The following ALPK2 variants were observed in gnomAD, a reference collection of about 807,000 sequenced individuals.
The protein encoded by ALPK2 is alpha-protein kinase 2.
Under a neutral mutation model 163.1 loss-of-function variants are expected in ALPK2, and 127 were observed. The ratio of observed to expected loss-of-function variants is 0.78; its 90% CI spans 0.67 to 0.90. ALPK2 has a LOEUF of 0.90. Ranked by LOEUF, ALPK2 falls within the 40% of genes least tolerant of loss-of-function variation. The pLI is 0.00. For missense variants in ALPK2, 2,360 were observed against 2,589.6 expected, an observed-to-expected ratio of 0.91 and a Z score of 1.92; for synonymous variants, 953 against 959.1, an observed-to-expected ratio of 0.99 and a Z score of 0.12.
chr18:58,580,332 C>T lies in ALPK2; in HGVS notation c.444G>A (p.Lys148=), dbSNP rs202083409. Residue 148 remains lysine (K), a synonymous_variant, in exon 4 of 13, where the codon AAG becomes AAA. Transcript: ENST00000361673. Reference sequence around the variant, plus strand: ...TGCCCGGGGAGATGCTTTCTTCTTCCTTATAAGGATGTTCCTTCTCATCAA... The same window carrying T: ...TGCCCGGGGAGATGCTTTCTTCTTCTTTATAAGGATGTTCCTTCTCATCAA... ...NQIDEKEHPY[K]EEESISPGTP... is the part of the protein sequence containing the mutation. 1.2e-5 allele frequency: 20 copies of T among 1,613,984 alleles called. No individual in the cohort carries two copies. Among genetic ancestry groups the T allele is most frequent in the Non-Finnish European group, 1.7e-5 (20 of 1,180,030 alleles).
At chr18:58,506,327 G>C (rs889382247) in intron 10 of ALPK2, among the ~76,000 whole-genome samples, 29 of 150,084 alleles carry the variant, frequency 1.9e-4, no homozygotes, top group African/African-American at 6.9e-4. Context: ...ACACAATACA[G>C]CCACGTAACA....
intron 1 of ALPK2, among the ~76,000 whole-genome samples, chr18:58,627,330 G>C (rs1229247303): frequency 6.6e-6 from 1 of 152,160 alleles, no homozygotes; most frequent in Non-Finnish European, 1.5e-5. Context: ...ACATCAAAAA[G>C]ACAATGTAGG....
chr18:58,536,284 C>T lies in ALPK2; in HGVS notation c.3903G>A (p.Glu1301=), dbSNP rs149388507. ...SEIAALAHSP[E]DAESALADSR... ...TATCAGCAAGGGCTGACTCAGCATC[C>T]TCTGGACTGTGAGCCAATGCTGCTA... Residue 1301 remains glutamate, a synonymous_variant, in exon 5 of 13, where the codon GAG becomes GAA. Coordinates refer to ENST00000361673, the MANE Select transcript of ALPK2 (RefSeq NM_052947.4). 3.1e-6 allele frequency: 5 copies of T among 1,614,110 alleles called. No homozygotes were observed. In the African/African-American group the frequency reaches 5.3e-5, roughly 17 times the overall value.
At chr18:58,628,437 T>A (rs547067544) in intron 1 of ALPK2, among the ~76,000 whole-genome samples, 62 of 152,322 alleles carry the variant, frequency 4.1e-4, no homozygotes, top group African/African-American at 1.4e-3. Context: ...CTCGTTTGAG[T>A]CATTCTGTAT....
At chr18:58,615,431 C>T (rs1410512646) in intron 1 of ALPK2, among the ~76,000 whole-genome samples, 2 of 152,054 alleles carry the variant, frequency 1.3e-5, no homozygotes, top group South Asian at 2.1e-4. Flanking sequence ...TCCAGCTCTG[C>T]CAATTATAAG....
chr18:58,507,186 C>T (rs751216866), intron 10 of ALPK2, among the ~76,000 whole-genome samples: 2 of 152,128 alleles, frequency 1.3e-5, no homozygotes, highest in African/African-American at 2.4e-5. Context: ...ATGTAGGCCC[C>T]TAACTATATG....
At chr18:58,549,415 G>A (rs2051737857) in intron 4 of ALPK2, among the ~76,000 whole-genome samples, 1 of 152,208 alleles carries the variant, frequency 6.6e-6, no homozygotes, top group Non-Finnish European at 1.5e-5. Flanking sequence ...CTTTCCCCTT[G>A]TAGATGGAAG....
At chr18:58,623,897 C>G (rs897322779) in intron 1 of ALPK2, among the ~76,000 whole-genome samples, 1 of 152,194 alleles carries the variant, frequency 6.6e-6, no homozygotes, top group Admixed American at 6.5e-5. Flanking sequence ...GCAGTAATAT[C>G]CTAAATCTTT....
Position 58,486,339 on chromosome 18 carries a change from GCT to G in ALPK2, c.6297-4302_6297-4301del, listed in dbSNP as rs577283038. Among the ~76,000 whole-genome samples the G allele has an allele frequency of 6.6e-3, 1,009 of 152,272 alleles. 10 individuals carry two copies. Among genetic ancestry groups the G allele is most frequent in the Non-Finnish European group, 8.2e-3 (556 of 68,008 alleles). ...TACCTTCGAGCCCCAGCTCCAGTGGGCTCTCTCCGCACCATGAGAGGACATCT... is the reference window on the plus strand; with the variant it reads ...TACCTTCGAGCCCCAGCTCCAGTGGGCTCTCCGCACCATGAGAGGACATCT... On this transcript the variant is annotated intron_variant, in intron 12 of 12. Transcript: ENST00000361673.
At position 58,505,696 on chromosome 18, in the gene ALPK2, G is replaced by A. The variant is rs138104731; in HGVS notation, c.6030-1548C>T. On this transcript the variant is annotated intron_variant, in intron 10 of 12. Transcript: ENST00000361673. Reference sequence around the variant, plus strand: ...TTCGACATCGAAACGCAAATCCGCTGTAGACTCGCTGTCTCCAGTACCTCC... The same window carrying A: ...TTCGACATCGAAACGCAAATCCGCTATAGACTCGCTGTCTCCAGTACCTCC... 7.6e-4 allele frequency among the ~76,000 whole-genome samples: 116 copies of A among 152,188 alleles called. 1 individual carries two copies. In the East Asian group the frequency reaches 0.02, roughly 27 times the overall value.
At chr18:58,485,764 A>G (rs920059580) in intron 12 of ALPK2, among the ~76,000 whole-genome samples, 4 of 150,778 alleles carry the variant, frequency 2.7e-5, no homozygotes, top group Non-Finnish European at 5.9e-5. Flanking sequence ...GTCAGGATGG[A>G]TGGTTTAATC....
rs150477190 is a variant in ALPK2 at position 58,518,194 on chromosome 18, A to G, written c.5666-1012T>C. Among the ~76,000 whole-genome samples, 245 of 152,162 alleles carry G rather than the reference A, an allele frequency of 1.6e-3. 1 individual carries two copies. Among genetic ancestry groups the G allele is most frequent in the African/African-American group, 5.8e-3 (239 of 41,398 alleles). ...GGTTGTGTGAAAAATCTTACTTCACATTTCTATATACATGCTTCAGGAAAT... is the reference window on the plus strand; with the variant it reads ...GGTTGTGTGAAAAATCTTACTTCACGTTTCTATATACATGCTTCAGGAAAT... On this transcript the variant is annotated intron_variant, in intron 8 of 12. Transcript: ENST00000361673.
intron 4 of ALPK2, chr18:58,544,730 A>G (rs1349736216): frequency 6.6e-6 from 1 of 152,192 alleles, no homozygotes; most frequent in African/African-American, 2.4e-5. Flanking sequence ...CAATTCTAAG[A>G]TACTTCTTGA....
intron 4 of ALPK2, among the ~76,000 whole-genome samples, chr18:58,571,980 A>T: frequency 6.8e-6 from 1 of 147,162 alleles, no homozygotes; most frequent in African/African-American, 2.6e-5. Flanking sequence ...CATCTCAAAA[A>T]AAAAAAAAAA....
At chr18:58,578,608 T>C in intron 4 of ALPK2, 1 of 524,610 alleles carries the variant, frequency 1.9e-6, no homozygotes, top group Non-Finnish European at 3.3e-6. Context: ...TCTGGGCCTT[T>C]TTTTCAAAAC....
intron 4 of ALPK2, among the ~76,000 whole-genome samples, chr18:58,570,505 G>C (rs1199700497): frequency 6.6e-6 from 1 of 152,234 alleles, no homozygotes; most frequent in African/African-American, 2.4e-5. Flanking sequence ...AATCTGCTTA[G>C]CATAGAAGAA....
intron 12 of ALPK2, among the ~76,000 whole-genome samples, chr18:58,495,771 T>A (rs1361502971): frequency 6.6e-6 from 1 of 152,232 alleles, no homozygotes; most frequent in African/African-American, 2.4e-5. Context: ...TCTAGCTCAC[T>A]TCCAGTTTCA....
At chr18:58,555,217 C>T (rs1847401717) in intron 4 of ALPK2, among the ~76,000 whole-genome samples, 1 of 152,124 alleles carries the variant, frequency 6.6e-6, no homozygotes, top group African/African-American at 2.4e-5. Context: ...ACTGGTTAAG[C>T]CAGAGCCTCT....
chr18:58,579,967 A>T lies in ALPK2; in HGVS notation c.809T>A (p.Ile270Asn), dbSNP rs2051948073. 1 of 1,614,076 alleles carries T rather than the reference A, an allele frequency of 6.2e-7. No individual in the cohort carries two copies. Among genetic ancestry groups the T allele is most frequent in the African/African-American group, 1.3e-5 (1 of 74,932 alleles). Residue 270 changes from isoleucine (I) to asparagine (N), a missense_variant, in exon 4 of 13, where the codon ATT becomes AAT. Physicochemically the swap from Ile to Asn is moderately radical, Grantham distance 149. Coordinates refer to ENST00000361673, the MANE Select transcript of ALPK2 (RefSeq NM_052947.4). ...SQQNPKVQKY[I>N]SFSLPLSEAT... ...CTCAGATAGCGGGAGGCTGAAGCTA[A>T]TGTATTTCTGTACTTTGGGATTTTG...
Sources: gnomAD v4.1 joint callset for allele counts (sites outside exome capture counted in the v4.1 genomes callset) on GRCh38, gnomAD v4.1.1 for gene constraint, MANE v1.5 for transcripts, NCBI Gene and HGNC (gene_info 2026-07-23, HGNC 2026-07-21) for gene names.